ZBTB7C: variants seen among roughly 807,000 people sequenced by gnomAD.
ZBTB7C encodes the protein zinc finger and BTB domain-containing protein 7C.
Under a neutral mutation model 25.7 loss-of-function variants are expected in ZBTB7C, and 8 were observed. That is an observed-to-expected ratio of 0.31 (90% CI 0.18 to 0.56). ZBTB7C has a LOEUF of 0.56. Ranked by LOEUF, ZBTB7C falls within the 20% of genes least tolerant of loss-of-function variation. ZBTB7C has a pLI of 0.91. For missense variants in ZBTB7C, 824 were observed against 855.2 expected, an observed-to-expected ratio of 0.96 and a Z score of 0.46; for synonymous variants, 394 against 369.0, an observed-to-expected ratio of 1.07 and a Z score of -0.78.
At chr18:48,233,102 G>A (rs2043294473) in intron 2 of ZBTB7C, among the ~76,000 whole-genome samples, 1 of 152,212 alleles carries the variant, frequency 6.6e-6, no homozygotes, top group Non-Finnish European at 1.5e-5. Flanking sequence ...TCCCAATGCA[G>A]CATTGGCAGG....
At position 48,141,154 on chromosome 18, in the gene ZBTB7C, C is replaced by A. The variant is rs1175538169; in HGVS notation, c.-17+44780G>T. 4.1e-5 allele frequency among the ~76,000 whole-genome samples: 6 copies of A among 146,852 alleles called. No homozygotes were observed. In the South Asian group the frequency reaches 9.1e-4, roughly 22 times the overall value. The stretch of plus-strand genomic sequence containing the variant: ...GGCATCCCCCCCGCACCACCCCCCC[C>A]ACTGTTCCTTCTCCTTCCTGCTGTG... On this transcript the variant is annotated intron_variant, in intron 3 of 4. Transcript: ENST00000590800.
At chr18:48,250,906 C>G (rs2043835411) in intron 2 of ZBTB7C, among the ~76,000 whole-genome samples, 1 of 151,678 alleles carries the variant, frequency 6.6e-6, no homozygotes, top group Non-Finnish European at 1.5e-5. Context: ...TTTGCTTGAA[C>G]TTAAACTTCG....
At chr18:48,077,003 C>G in intron 3 of ZBTB7C, 2 of 984,110 alleles carry the variant, frequency 2.0e-6, no homozygotes, top group Non-Finnish European at 2.4e-6. Context: ...ACCTAAGTTC[C>G]CTTCCAGCAA....
intron 3 of ZBTB7C, among the ~76,000 whole-genome samples, chr18:48,170,249 G>T (rs1251772975): frequency 1.3e-5 from 2 of 152,228 alleles, no homozygotes; most frequent in Non-Finnish European, 2.9e-5. Flanking sequence ...GCACCTGCTT[G>T]CCAGGCCTGT....
In ZBTB7C at chr18:48,297,714, T is replaced by A. The variant is rs189384348; in HGVS notation, c.-79+40460A>T. Among the ~76,000 whole-genome samples the A allele has an allele frequency of 6.6e-5, 10 of 152,280 alleles. No homozygotes were observed. In the East Asian group the frequency reaches 1.9e-3, roughly 29 times the overall value. On this transcript the variant is annotated intron_variant, in intron 2 of 4. Coordinates refer to ENST00000590800, the MANE Select transcript of ZBTB7C (RefSeq NM_001318841.2). ...CCCCTTCAGTCAGAAGTGCCATACA[T>A]CACGGTTAAAAATCAATGCCTGCTA... is the stretch of plus-strand genomic sequence containing the variant.
chr18:48,299,114 A>G (rs2045476760), intron 2 of ZBTB7C, among the ~76,000 whole-genome samples: 1 of 152,212 alleles, frequency 6.6e-6, no homozygotes, highest in African/African-American at 2.4e-5. Flanking sequence ...CATCAGGAGC[A>G]GAAAATAGTG....
intron 3 of ZBTB7C, among the ~76,000 whole-genome samples, chr18:48,091,606 C>T (rs113764775): frequency 0.014 from 2,130 of 152,210 alleles, 45 homozygotes; most frequent in African/African-American, 0.047. Flanking sequence ...CTTTTAGACA[C>T]ATTGGCTGTA....
intron 3 of ZBTB7C, among the ~76,000 whole-genome samples, chr18:48,083,019 A>G (rs1405175583): frequency 1.3e-5 from 2 of 152,126 alleles, no homozygotes; most frequent in African/African-American, 4.8e-5. Flanking sequence ...GGGAGACATG[A>G]TCAGTGTTCA....
intron 3 of ZBTB7C, among the ~76,000 whole-genome samples, chr18:48,076,570 C>T (rs549275751): frequency 3.4e-4 from 51 of 152,180 alleles, no homozygotes; most frequent in Non-Finnish European, 6.9e-4. Flanking sequence ...AAGCACCTTG[C>T]CAGCCACTGA....
rs191587180 is a variant in ZBTB7C at position 48,210,646 on chromosome 18, G to C, written c.-78-24651C>G. 7.8e-4 allele frequency among the ~76,000 whole-genome samples: 118 copies of C among 151,778 alleles called. 1 individual carries two copies. The highest frequency in any genetic ancestry group is 2.5e-4 in the Non-Finnish European group (17 of 68,020). ...GAGACAGAAGGCAGATTAAGTGGTT[G>C]TCATGGAGTGAGGGAAGAGAGAATT... On this transcript the variant is annotated intron_variant, in intron 2 of 4. Transcript: ENST00000590800.
chr18:48,158,708 T>C (rs548444482), intron 3 of ZBTB7C, among the ~76,000 whole-genome samples: 4 of 152,288 alleles, frequency 2.6e-5, no homozygotes, highest in South Asian at 2.1e-4. Flanking sequence ...GAGTGTTCTA[T>C]GTTCTTGGCT....
chr18:48,314,965 C>T (rs1002482058), intron 2 of ZBTB7C, among the ~76,000 whole-genome samples: 3 of 152,212 alleles, frequency 2.0e-5, no homozygotes, highest in African/African-American at 7.2e-5. Context: ...GGGGTCTGCA[C>T]AGCCCCTTCG....
At position 48,029,386 on chromosome 18, in the gene ZBTB7C, C is replaced by T. The variant is rs1025116151; in HGVS notation, c.1734G>A (p.Leu578=). The part of the protein sequence containing the change: ...RNAGGLLAFA[L]AENVAAARPY... ...GCCGCGCCGCCGCCACGTTCTCGGC[C>T]AGCGCGAAGGCCAGGAGGCCCCCCG... Residue 578 remains leucine, a synonymous_variant, in exon 5 of 5, where the codon CTG becomes CTA. Transcript: ENST00000590800. 2.6e-6 allele frequency: 4 copies of T among 1,559,904 alleles called. No homozygotes were observed. The highest frequency in any genetic ancestry group is 2.7e-5 in the African/African-American group (2 of 73,182).
intron 2 of ZBTB7C, among the ~76,000 whole-genome samples, chr18:48,216,980 C>G (rs994205368): frequency 2.0e-5 from 3 of 152,084 alleles, no homozygotes; most frequent in Non-Finnish European, 4.4e-5. Context: ...GTTTGGACAC[C>G]AGCATGCGCA....
chr18:48,151,367 T>C (rs552901321), intron 3 of ZBTB7C, among the ~76,000 whole-genome samples: 33 of 152,302 alleles, frequency 2.2e-4, no homozygotes, highest in African/African-American at 7.0e-4. Context: ...TTTGAATGAC[T>C]GCCTTAGATG....
chr18:48,133,365 CA>C (rs2040046199), intron 3 of ZBTB7C, among the ~76,000 whole-genome samples: 1 of 152,226 alleles, frequency 6.6e-6, no homozygotes, highest in African/African-American at 2.4e-5. Context: ...GGGAAAATGA[CA>C]GAAGAGAGCA....
intron 1 of ZBTB7C, among the ~76,000 whole-genome samples, chr18:48,379,571 A>G (rs1028447051): frequency 6.6e-6 from 1 of 152,080 alleles, no homozygotes; most frequent in African/African-American, 2.4e-5. Flanking sequence ...TTTTATCTTT[A>G]TCTAAGGTAT....
At chr18:48,058,951 T>TC (rs1385745851) in intron 3 of ZBTB7C, among the ~76,000 whole-genome samples, 27 of 152,064 alleles carry the variant, frequency 1.8e-4, no homozygotes, top group Non-Finnish European at 3.8e-4. Context: ...GGTCCTCCTG[T>TC]CCCCACCTCC....
intron 1 of ZBTB7C, among the ~76,000 whole-genome samples, chr18:48,390,789 C>T (rs1004593903): frequency 2.0e-5 from 3 of 152,222 alleles, no homozygotes; most frequent in African/African-American, 7.2e-5. Context: ...GCTAATCCCT[C>T]CAGGGGCACT....
Sources: allele counts gnomAD v4.1 joint callset (sites outside exome capture counted in the v4.1 genomes callset), GRCh38; gene constraint gnomAD v4.1.1; transcripts MANE v1.5; gene names NCBI Gene and HGNC (gene_info 2026-07-23, HGNC 2026-07-21).